Variants in TMA16 observed in about 807,000 individuals in gnomAD.
TMA16 encodes the protein translation machinery-associated protein 16.
A neutral mutation model predicts 27.1 loss-of-function variants in TMA16; 26 were observed. The observed-to-expected ratio is 0.96, with a 90% CI of 0.70 to 1.33. The LOEUF (loss-of-function observed/expected upper bound fraction) is 1.33. TMA16 is among the 40% of genes most tolerant of loss of function. TMA16 has a pLI of 0.00. For missense variants in TMA16, 233 were observed against 241.4 expected (o/e 0.97, Z 0.23); for synonymous variants, 71 against 81.9 (o/e 0.87, Z 0.72).
intron 1 of TMA16, among the ~76,000 whole-genome samples, chr4:163,503,740 C>T (rs941712303): frequency 6.6e-6 from 1 of 152,048 alleles, no homozygotes; most frequent in African/African-American, 2.4e-5. Context: ...TCAAAATGGT[C>T]TGTTAGTTAT....
chr4:163,506,450 T>C (rs1028145090), intron 1 of TMA16, among the ~76,000 whole-genome samples: 3 of 152,220 alleles, frequency 2.0e-5, no homozygotes, highest in African/African-American at 7.2e-5. Flanking sequence ...TTGGAGGACC[T>C]AATGAATTGT....
At position 163,494,717 on chromosome 4, in the gene TMA16, G is replaced by A. The variant is rs1409514246; in HGVS notation, c.-85G>A. On this transcript the variant is annotated 5_prime_UTR_variant, in exon 1 of 7. Coordinates refer to ENST00000358572, the MANE Select transcript of TMA16 (RefSeq NM_018352.3). ...GCGCCACGTGGGATTCGGCCCGGGT[G>A]CTCTTGTGAGCTGCTGCTCCTGCGG... The A allele has an allele frequency of 5.0e-6, 8 of 1,593,500 alleles. No individual in the cohort carries two copies. The highest frequency in any genetic ancestry group is 6.9e-6 in the Non-Finnish European group (8 of 1,163,420).
chr4:163,501,877 C>A (rs1737654790), intron 1 of TMA16, among the ~76,000 whole-genome samples: 1 of 152,154 alleles, frequency 6.6e-6, no homozygotes, highest in South Asian at 2.1e-4. Flanking sequence ...CCTTTCCTTA[C>A]TTCCCAAAGT....
At chr4:163,517,226 A>G (rs1737893999) in intron 5 of TMA16, 3 of 562,002 alleles carry the variant, frequency 5.3e-6, no homozygotes, top group African/African-American at 3.8e-5. Context: ...TATTTCATGG[A>G]TTCTATGCTA....
chr4:163,502,556 G>C (rs989733715), intron 1 of TMA16, among the ~76,000 whole-genome samples: 1 of 152,170 alleles, frequency 6.6e-6, no homozygotes, highest in Non-Finnish European at 1.5e-5. Flanking sequence ...GCTACCAAGA[G>C]GGAAAGGCTA....
At chr4:163,516,836 A>G (rs926391198) in intron 5 of TMA16, among the ~76,000 whole-genome samples, 2 of 152,162 alleles carry the variant, frequency 1.3e-5, no homozygotes, top group African/African-American at 2.4e-5. Context: ...GATAAATTCT[A>G]CCTTGTGAAG....
At chr4:163,502,464 G>T (rs2110793539) in intron 1 of TMA16, among the ~76,000 whole-genome samples, 1 of 152,240 alleles carries the variant, frequency 6.6e-6, no homozygotes, top group East Asian at 1.9e-4. Context: ...AGTCTCAAAT[G>T]AGCTGCTATT....
chr4:163,508,585 C>G (rs1737749249), intron 2 of TMA16, among the ~76,000 whole-genome samples: 1 of 152,146 alleles, frequency 6.6e-6, no homozygotes, highest in Admixed American at 6.5e-5. Context: ...CAAACCCACA[C>G]TTTTGTCCTT....
At chr4:163,504,843 G>A (rs1047505845) in intron 1 of TMA16, among the ~76,000 whole-genome samples, 2 of 152,092 alleles carry the variant, frequency 1.3e-5, no homozygotes, top group Non-Finnish European at 2.9e-5. Context: ...TGTTAAGCTG[G>A]TTCTTGGTAG....
At chr4:163,508,550 G>T (rs1737748815) in intron 2 of TMA16, among the ~76,000 whole-genome samples, 1 of 152,134 alleles carries the variant, frequency 6.6e-6, no homozygotes, top group Admixed American at 6.5e-5. Context: ...GAAAAGATCT[G>T]GTGAAGGTTG....
Position 163,515,354 on chromosome 4 carries a change from T to G in TMA16, c.281T>G (p.Leu94Ter). ...AGCAGTGAGCTGGAGCAGATTGAGT[T>G]ACATAACAGTATCAGGGACAGGCAG... is the stretch of plus-strand genomic sequence containing the variant. ...RFSSELEQIE[L>*]HNSIRDRQGR... Residue 94 changes from leucine (L) to a stop codon, truncating the protein, a stop_gained, in exon 5 of 7, where the codon TTA becomes TGA. Transcript: ENST00000358572. LOFTEE classifies it high-confidence loss of function. The G allele has an allele frequency of 6.2e-7, 1 of 1,613,342 alleles. No individual in the cohort carries two copies. The highest frequency in any genetic ancestry group is 8.5e-7 in the Non-Finnish European group (1 of 1,179,820).
At chr4:163,503,780 C>T (rs1482861800) in intron 1 of TMA16, among the ~76,000 whole-genome samples, 1 of 151,982 alleles carries the variant, frequency 6.6e-6, no homozygotes, top group Non-Finnish European at 1.5e-5. Flanking sequence ...TTAGTTTTTC[C>T]CTGTTGAAAC....
At chr4:163,506,286 G>A (rs991012250) in intron 1 of TMA16, among the ~76,000 whole-genome samples, 5 of 152,132 alleles carry the variant, frequency 3.3e-5, no homozygotes, top group Admixed American at 1.3e-4. Context: ...AGAACCTTCA[G>A]CTCCTACTTT....
At chr4:163,515,066 C>T (rs546895120) in intron 4 of TMA16, among the ~76,000 whole-genome samples, 2 of 152,032 alleles carry the variant, frequency 1.3e-5, no homozygotes, top group South Asian at 4.2e-4. Flanking sequence ...AGGGGACATC[C>T]AGATTGAGAT....
chr4:163,503,795 T>C (rs2110795377), intron 1 of TMA16, among the ~76,000 whole-genome samples: 1 of 152,316 alleles, frequency 6.6e-6, no homozygotes, highest in Non-Finnish European at 1.5e-5. Flanking sequence ...TGAAACATTT[T>C]TTTCCAAATT....
intron 2 of TMA16, among the ~76,000 whole-genome samples, chr4:163,511,374 A>G (rs1225269616): frequency 1.3e-5 from 2 of 151,930 alleles, no homozygotes; most frequent in African/African-American, 2.4e-5. Context: ...CTTGATGGAG[A>G]ATCTGTCCGA....
In TMA16 at chr4:163,519,623, T is replaced by TC; in HGVS notation, c.*109_*110insC. 9.4e-7 allele frequency: 1 copy of TC among 1,064,796 alleles called. No homozygotes were observed. The highest frequency in any genetic ancestry group is 1.3e-6 in the Non-Finnish European group (1 of 760,558). 66.0% of individuals were successfully genotyped at this position (1,064,796 alleles called of 1,614,324 possible). On this transcript the variant is annotated 3_prime_UTR_variant, in exon 7 of 7. Transcript: ENST00000358572. ...AAAATTTGATACTGACATTCTCTTA[T>TC]ATGATGAGAGTTTCATTTGCGTTTC...
At position 163,512,802 on chromosome 4, in the gene TMA16, T is replaced by C. The variant is rs17576308; in HGVS notation, c.117-20T>C. The C allele has an allele frequency of 0.1, 158,895 of 1,590,370 alleles. 8,358 individuals carry two copies. Among genetic ancestry groups the C allele is most frequent in the African/African-American group, 0.13 (9,858 of 74,526 alleles). The stretch of plus-strand genomic sequence containing the variant: ...TGCTTTGGAAATTTTCTAACACATA[T>C]ATTTACCTTTCCTTCAAAGATTGAA... On this transcript the variant is annotated intron_variant, in intron 2 of 6. Coordinates refer to ENST00000358572, the MANE Select transcript of TMA16 (RefSeq NM_018352.3).
chr4:163,504,503 GTTGTT>G (rs1338279744), intron 1 of TMA16, among the ~76,000 whole-genome samples: 1 of 152,022 alleles, frequency 6.6e-6, no homozygotes, highest in Admixed American at 6.6e-5. Context: ...TCTTTTTGTT[GTTGTT>G]TTGTTTTGAG....
Sources: allele counts gnomAD v4.1 joint callset (sites outside exome capture counted in the v4.1 genomes callset), GRCh38; gene constraint gnomAD v4.1.1; transcripts MANE v1.5; gene names NCBI Gene and HGNC (gene_info 2026-07-23, HGNC 2026-07-21).